TYW1: variants seen among roughly 807,000 people sequenced by gnomAD.
TYW1 encodes the protein S-adenosyl-L-methionine-dependent tRNA 4-demethylwyosine synthase TYW1.
TYW1 carries 46 observed loss-of-function variants against 96.2 expected under a neutral mutation model. The ratio of observed to expected loss-of-function variants is 0.48; its 90% CI spans 0.38 to 0.61. The LOEUF (loss-of-function observed/expected upper bound fraction) is 0.61, where lower values mean the gene tolerates loss of function less well. TYW1 is among the 20% of genes least tolerant of loss of function. The pLI, the probability that TYW1 is intolerant of heterozygous loss-of-function variation, is 0.00. For synonymous variants in TYW1, 274 were observed against 323.0 expected (o/e 0.85, Z 1.63); for missense variants, 684 against 909.6 (o/e 0.75, Z 3.19).
rs529026084 is a variant in TYW1, at chr7:67,140,410, G to A, written c.1698+22792G>A. ...AGACTTTTTAAATACAATTTTAAAA[G>A]AAATTAAAGTTAATAAAGTGAATAA... is the stretch of plus-strand genomic sequence containing the variant. On this transcript the variant is annotated intron_variant, in intron 13 of 15. Transcript: ENST00000359626. Among the ~76,000 whole-genome samples, 14 of 150,258 alleles carry A rather than the reference G, an allele frequency of 9.3e-5. No homozygotes were observed. In the East Asian group the frequency reaches 2.1e-3, roughly 23 times the overall value.
intron 14 of TYW1, among the ~76,000 whole-genome samples, chr7:67,190,239 G>T (rs1261819734): frequency 6.6e-6 from 1 of 152,176 alleles, no homozygotes; most frequent in Non-Finnish European, 1.5e-5. Flanking sequence ...CCTAGCCAGC[G>T]TTTATCAGCT....
chr7:67,092,599 G>A (rs763003405), intron 11 of TYW1, among the ~76,000 whole-genome samples: 46 of 150,610 alleles, frequency 3.1e-4, no homozygotes, highest in Middle Eastern at 3.5e-3. Flanking sequence ...AGGTCAGCCT[G>A]CCTCTTTTTC....
intron 9 of TYW1, among the ~76,000 whole-genome samples, chr7:67,062,833 G>A (rs1262954116): frequency 6.6e-6 from 1 of 152,164 alleles, no homozygotes; most frequent in Non-Finnish European, 1.5e-5. Flanking sequence ...TGATATCCTA[G>A]TTTTCAATGG....
At chr7:67,061,117 A>T (rs1795681236) in intron 9 of TYW1, among the ~76,000 whole-genome samples, 1 of 152,100 alleles carries the variant, frequency 6.6e-6, no homozygotes, top group African/African-American at 2.4e-5. Context: ...AGTCTCAGCT[A>T]CTCGGGAGGC....
intron 12 of TYW1, among the ~76,000 whole-genome samples, chr7:67,116,899 G>C (rs1176166505): frequency 6.6e-6 from 1 of 152,150 alleles, no homozygotes; most frequent in East Asian, 1.9e-4. Context: ...ACTGTTTTAG[G>C]TCTGCACTAC....
At chr7:67,166,536 C>A (rs577937968) in intron 13 of TYW1, among the ~76,000 whole-genome samples, 5,149 of 89,578 alleles carry the variant, frequency 0.057, 267 homozygotes, top group African/African-American at 0.2. Flanking sequence ...GGTCATCAGC[C>A]CCTCCCCTCT....
intron 13 of TYW1, among the ~76,000 whole-genome samples, chr7:67,163,486 G>C (rs1391035807): frequency 2.0e-5 from 3 of 151,940 alleles, no homozygotes; most frequent in South Asian, 2.1e-4. Flanking sequence ...CAAGTTGCCG[G>C]GTGGATGTCA....
chr7:67,134,281 G>A (rs1798176783), intron 13 of TYW1, among the ~76,000 whole-genome samples: 2 of 152,086 alleles, frequency 1.3e-5, no homozygotes, highest in African/African-American at 2.4e-5. Flanking sequence ...GGTGGCTCAC[G>A]CCTGTAATCT....
intron 5 of TYW1, among the ~76,000 whole-genome samples, chr7:67,016,847 G>A (rs1261823280): frequency 6.6e-6 from 1 of 152,056 alleles, no homozygotes; most frequent in African/African-American, 2.4e-5. Context: ...GGCTGGTGTT[G>A]AACTCGGGCT....
intron 14 of TYW1, among the ~76,000 whole-genome samples, chr7:67,184,004 C>A (rs62464978): frequency 6.6e-6 from 1 of 151,618 alleles, no homozygotes; most frequent in Non-Finnish European, 1.5e-5. Flanking sequence ...TTTTTTGTAG[C>A]GAGAAGGTCT....
chr7:67,074,302 A>G (rs1425464677), intron 10 of TYW1, among the ~76,000 whole-genome samples: 1 of 152,172 alleles, frequency 6.6e-6, no homozygotes, highest in African/African-American at 2.4e-5. Context: ...TACACTAAGT[A>G]TAAATCCTAA....
At chr7:67,122,664 T>C (rs1797793844) in intron 13 of TYW1, among the ~76,000 whole-genome samples, 1 of 152,232 alleles carries the variant, frequency 6.6e-6, no homozygotes, top group Non-Finnish European at 1.5e-5. Flanking sequence ...ATAAGTATTT[T>C]TCCTTATCAT....
chr7:67,236,046 T>G (rs6969270), intron 15 of TYW1, among the ~76,000 whole-genome samples: 40,675 of 151,820 alleles, frequency 0.27, 5,811 homozygotes, highest in African/African-American at 0.36. Flanking sequence ...ACCATTATAG[T>G]GTCTGCGGAA....
At chr7:67,123,195 C>T (rs2690151) in intron 13 of TYW1, among the ~76,000 whole-genome samples, 41,877 of 151,778 alleles carry the variant, frequency 0.28, 6,626 homozygotes, top group African/African-American at 0.44. Flanking sequence ...CTAATCTGGA[C>T]ATCTGTTTCC....
intron 6 of TYW1, among the ~76,000 whole-genome samples, chr7:67,019,114 C>G (rs1350909834): frequency 6.6e-6 from 1 of 152,140 alleles, no homozygotes; most frequent in African/African-American, 2.4e-5. Context: ...AGGCTGAAAC[C>G]ATCCCCTTCA....
chr7:67,029,401 G>GTATATATACATA (rs1362181176), intron 7 of TYW1, among the ~76,000 whole-genome samples: 1 of 74,778 alleles, frequency 1.3e-5, no homozygotes, highest in Admixed American at 1.4e-4. Context: ...GTGTGTGTGT[G>GTATATATACATA]TGTGTGTGTG....
At chr7:67,220,886 T>G (rs909827844) in intron 15 of TYW1, among the ~76,000 whole-genome samples, 9 of 152,004 alleles carry the variant, frequency 5.9e-5, no homozygotes, top group Non-Finnish European at 1.0e-4. Context: ...TACAGGCATG[T>G]GCCACCATGC....
At chr7:67,220,799 G>A (rs1355413892) in intron 15 of TYW1, among the ~76,000 whole-genome samples, 3 of 150,664 alleles carry the variant, frequency 2.0e-5, no homozygotes, top group African/African-American at 4.9e-5. Flanking sequence ...GTGCAATGGC[G>A]CGATCTCGGC....
At chr7:67,067,636 T>A (rs1413348134) in intron 10 of TYW1, among the ~76,000 whole-genome samples, 1 of 152,258 alleles carries the variant, frequency 6.6e-6, no homozygotes, top group African/African-American at 2.4e-5. Flanking sequence ...TTGTCTTTTT[T>A]AACTGGTGAG....
Sources: allele counts gnomAD v4.1 joint callset (sites outside exome capture counted in the v4.1 genomes callset), GRCh38; gene constraint gnomAD v4.1.1; transcripts MANE v1.5; gene names NCBI Gene and HGNC (gene_info 2026-07-23, HGNC 2026-07-21).